Variants in CSMD3 observed in about 807,000 individuals in gnomAD.
The protein encoded by CSMD3 is CUB and sushi domain-containing protein 3.
CSMD3 carries 177 observed loss-of-function variants against 435.2 expected under a neutral mutation model. The observed-to-expected ratio is 0.41, with a 90% confidence interval of 0.36 to 0.46. CSMD3 has a LOEUF of 0.46. Among genes scored for constraint, CSMD3 ranks in the 20% least tolerant of loss-of-function variants. The pLI is 0.34. For synonymous variants in CSMD3, 1,656 were observed against 1,520.5 expected (o/e 1.09, Z -2.07); for missense variants, 4,265 against 4,504.6 (o/e 0.95, Z 1.52).
At chr8:113,387,641 A>C (rs2094444888) in intron 1 of CSMD3, among the ~76,000 whole-genome samples, 1 of 151,654 alleles carries the variant, frequency 6.6e-6, no homozygotes, top group South Asian at 2.1e-4. Context: ...GAAGAAGCAG[A>C]AGAAGGAATT....
intron 20 of CSMD3, among the ~76,000 whole-genome samples, chr8:112,641,741 G>C (rs950053719): frequency 2.0e-5 from 3 of 152,100 alleles, no homozygotes; most frequent in African/African-American, 7.2e-5. Context: ...AGGAGGCTGA[G>C]GTGGGAGGGT....
rs183553021 is a variant in CSMD3 at position 113,098,864 on chromosome 8, G to A, written c.809C>T (p.Thr270Ile). The change falls in exon 5 of 71, where the codon ACC becomes ATC. Residue 270 changes from threonine to isoleucine, a missense_variant. Thr to Ile is a moderately conservative substitution (Grantham distance 89, BLOSUM62 -1). This residue lies in a region of CSMD3 where 731 missense variants were observed against 755.4 expected (regional missense o/e 0.97). Coordinates refer to ENST00000297405, the MANE Select transcript of CSMD3 (RefSeq NM_198123.2). ...TGTGTCCCCAGGCTCTGCTACAATG[G>A]TCCAAGTGCAATCAGCATTGTTATG... ...EYHNNADCTW[T>I]IVAEPGDTIS... The A allele has an allele frequency of 4.1e-5, 66 of 1,610,946 alleles. No individual in the cohort carries two copies. The East Asian group carries it at 4.2e-4, about 10-fold the overall frequency.
chr8:113,267,764 T>C (rs568504135), intron 3 of CSMD3, among the ~76,000 whole-genome samples: 7 of 151,854 alleles, frequency 4.6e-5, no homozygotes, highest in East Asian at 1.9e-4. Flanking sequence ...AATCACTACA[T>C]ATTTTATACA....
At chr8:113,409,813 A>C (rs963148424) in intron 1 of CSMD3, among the ~76,000 whole-genome samples, 2 of 152,102 alleles carry the variant, frequency 1.3e-5, no homozygotes, top group African/African-American at 4.8e-5. Context: ...CTGACTGGCT[A>C]CAACAAAAAG....
chr8:112,719,970 G>C (rs1031481606), intron 13 of CSMD3, among the ~76,000 whole-genome samples: 1 of 152,166 alleles, frequency 6.6e-6, no homozygotes, highest in Non-Finnish European at 1.5e-5. Flanking sequence ...TAAAAAGTGA[G>C]AGAGACGAAG....
chr8:112,510,372 C>T (rs1200779391), intron 28 of CSMD3, among the ~76,000 whole-genome samples: 8 of 152,230 alleles, frequency 5.3e-5, no homozygotes, highest in Non-Finnish European at 1.2e-4. Flanking sequence ...TCAGTGTATA[C>T]ACATAAATTA....
At chr8:112,661,931 G>T (rs565515399) in intron 17 of CSMD3, among the ~76,000 whole-genome samples, 1 of 151,930 alleles carries the variant, frequency 6.6e-6, no homozygotes, top group Non-Finnish European at 1.5e-5. Context: ...AAAGTAATAG[G>T]TATTTTGAGA....
At chr8:112,961,078 C>T (rs999547720) in intron 7 of CSMD3, among the ~76,000 whole-genome samples, 2 of 151,578 alleles carry the variant, frequency 1.3e-5, no homozygotes, top group African/African-American at 4.8e-5. Flanking sequence ...GCTTAAATTA[C>T]ACAATAAATT....
chr8:112,509,214 C>A (rs1822843367), intron 28 of CSMD3, among the ~76,000 whole-genome samples: 1 of 152,010 alleles, frequency 6.6e-6, no homozygotes, highest in Non-Finnish European at 1.5e-5. Flanking sequence ...CTCAGCCTCC[C>A]CAGTAACTGG....
At chr8:112,851,456 C>G (rs2080484001) in intron 11 of CSMD3, among the ~76,000 whole-genome samples, 2 of 151,886 alleles carry the variant, frequency 1.3e-5, no homozygotes, top group Non-Finnish European at 2.9e-5. Context: ...ATAAAGGATA[C>G]AAGGGAATTG....
At chr8:113,344,855 T>C (rs1455951922) in intron 1 of CSMD3, among the ~76,000 whole-genome samples, 1 of 152,086 alleles carries the variant, frequency 6.6e-6, no homozygotes, top group Non-Finnish European at 1.5e-5. Flanking sequence ...TTAAAATAAC[T>C]TTACCTTAAA....
intron 12 of CSMD3, among the ~76,000 whole-genome samples, chr8:112,807,373 G>A: frequency 6.6e-6 from 1 of 152,104 alleles, no homozygotes; most frequent in South Asian, 2.1e-4. Context: ...CCCTATTTAA[G>A]GTTTTGTATG....
intron 11 of CSMD3, among the ~76,000 whole-genome samples, chr8:112,838,279 G>A (rs544747836): frequency 2.6e-5 from 4 of 151,908 alleles, no homozygotes; most frequent in East Asian, 1.9e-4. Context: ...AAAAAGTGAT[G>A]AGAAGGAACA....
At chr8:112,232,988 T>C (rs1326017582) in intron 68 of CSMD3, among the ~76,000 whole-genome samples, 2 of 152,212 alleles carry the variant, frequency 1.3e-5, no homozygotes, top group Non-Finnish European at 2.9e-5. Flanking sequence ...AAATACTTAT[T>C]ATTGTTTGAC....
intron 1 of CSMD3, among the ~76,000 whole-genome samples, chr8:113,371,833 A>G (rs1428990226): frequency 6.6e-6 from 1 of 152,236 alleles, no homozygotes; most frequent in Non-Finnish European, 1.5e-5. Context: ...AGAATGGTTG[A>G]GTGAATAGTG....
Position 112,224,839 on chromosome 8 carries a change from C to T in CSMD3, c.11056G>A (p.Ala3686Thr), listed in dbSNP as rs773198324. ...AFENPMYDTN[A>T]KSVEGKAVRF... Reference sequence around the variant, plus strand: ...ACCGCCTTCCCTTCCACTGACTTTGCGTTGGTGTCATACATGGGATTTTCA... The same window carrying T: ...ACCGCCTTCCCTTCCACTGACTTTGTGTTGGTGTCATACATGGGATTTTCA... Residue 3686 changes from alanine to threonine, a missense_variant, in exon 71 of 71, where the codon GCA (alanine) becomes ACA (threonine). Transcript: ENST00000297405. The T allele has an allele frequency of 8.7e-6, 14 of 1,613,904 alleles. No individual in the cohort carries two copies. The Admixed American group carries it at 1.5e-4, about 17-fold the overall frequency.
intron 10 of CSMD3, among the ~76,000 whole-genome samples, chr8:112,899,662 T>TACAC (rs60352918): frequency 0.039 from 4,719 of 121,562 alleles, 152 homozygotes; most frequent in East Asian, 0.088. Context: ...CGCAAATACA[T>TACAC]ACACACACAC....
chr8:112,595,286 G>A (rs1350486227), intron 22 of CSMD3, among the ~76,000 whole-genome samples: 1 of 151,846 alleles, frequency 6.6e-6, no homozygotes, highest in Non-Finnish European at 1.5e-5. Context: ...TGAAACGAAT[G>A]AAATGAAGCG....
At chr8:113,191,850 A>G (rs1231410908) in intron 3 of CSMD3, among the ~76,000 whole-genome samples, 2 of 151,908 alleles carry the variant, frequency 1.3e-5, no homozygotes, top group Admixed American at 1.3e-4. Context: ...ACAGTGGCTG[A>G]GCTAGTTTGC....
Sources: gnomAD v4.1 joint callset for allele counts (sites outside exome capture counted in the v4.1 genomes callset) on GRCh38, gnomAD v4.1.1 for gene constraint, gnomAD v4.1.1 regional missense constraint, MANE v1.5 for transcripts, NCBI Gene and HGNC (gene_info 2026-07-23, HGNC 2026-07-21) for gene names.